Variants in LRRC4B observed in about 807,000 individuals in gnomAD.
LRRC4B encodes leucine-rich repeat-containing protein 4B.
A neutral mutation model predicts 7.3 loss-of-function variants in LRRC4B; 1 was observed. That is an observed-to-expected ratio of 0.14 (90% CI 0.05 to 0.65). The LOEUF is 0.65. LRRC4B is among the 30% of genes least tolerant of loss of function. The probability of loss-of-function intolerance (pLI) is 0.84; values close to 1 mark genes in which losing one functional copy is unlikely to be tolerated. For synonymous variants in LRRC4B, 500 were observed against 499.2 expected (o/e 1.00, Z -0.02); for missense variants, 730 against 1,041.6 (o/e 0.70, Z 4.12).
At chr19:50,529,163 A>T (rs774765298) in intron 2 of LRRC4B, among the ~76,000 whole-genome samples, 1 of 151,992 alleles carries the variant, frequency 6.6e-6, no homozygotes, top group Non-Finnish European at 1.5e-5. Flanking sequence ...ATTTCCCGGG[A>T]CGCTAAACAC....
At chr19:50,536,897 C>T (rs1364463685) in intron 2 of LRRC4B, among the ~76,000 whole-genome samples, 1 of 152,104 alleles carries the variant, frequency 6.6e-6, no homozygotes, top group Non-Finnish European at 1.5e-5. Context: ...GCATACTCAT[C>T]CTGATCTGAG....
At position 50,524,682 on chromosome 19, in the gene LRRC4B, C is replaced by G. The variant is rs1980723523; in HGVS notation, c.298-5267G>C. 2.6e-5 allele frequency among the ~76,000 whole-genome samples: 4 copies of G among 152,190 alleles called. No individual in the cohort carries two copies. In the South Asian group the frequency reaches 8.3e-4, roughly 31 times the overall value. On this transcript the variant is annotated intron_variant, in intron 2 of 2. Coordinates refer to ENST00000652263, the MANE Select transcript of LRRC4B (RefSeq NM_001080457.2). The stretch of plus-strand genomic sequence containing the variant: ...AGGTCCAAAATACTCTCATTTGAAC[C>G]TGTCATCAGATGCAAACTTGCGATT...
Position 50,548,396 on chromosome 19 carries a change from G to T in LRRC4B, c.297+146C>A. ...CCACCTCGGGAGCCCGGCTCCAGCT[G>T]ATAGGATGCAGACCCGCAGGCCACA... is the stretch of plus-strand genomic sequence containing the variant. On this transcript the variant is annotated intron_variant, in intron 2 of 2. Coordinates refer to ENST00000652263, the MANE Select transcript of LRRC4B (RefSeq NM_001080457.2). The surrounding 1 kb of genome is among the most constrained non-coding windows in gnomAD (Gnocchi z 6.8). The T allele has an allele frequency of 8.6e-7, 1 of 1,157,918 alleles. No individual in the cohort carries two copies. The highest frequency in any genetic ancestry group is 1.2e-6 in the Non-Finnish European group (1 of 827,250). 71.7% of individuals were successfully genotyped at this position (1,157,918 alleles called of 1,614,324 possible).
Position 50,548,808 on chromosome 19 carries a change from G to C in LRRC4B, c.31C>G (p.Pro11Ala). The change falls in exon 2 of 3, where the codon CCG (proline) becomes GCG (alanine). Residue 11 changes from proline (P) to alanine (A), a missense_variant. Pro to Ala is a conservative substitution (Grantham distance 27). Around this residue, in one of 6 missense-constraint regions of LRRC4B, gnomAD observed 143 missense variants for 158.4 expected, o/e 0.90. Coordinates refer to ENST00000652263, the MANE Select transcript of LRRC4B (RefSeq NM_001080457.2). The surrounding 1 kb of genome is among the most constrained non-coding windows in gnomAD (Gnocchi z 6.8). MARARGSPCPPLPPGRMSWPH... is the reference protein window; with the variant it reads MARARGSPCPALPPGRMSWPH... ...CAGGACATCCTACCGGGCGGCAGCG[G>C]GGGGCACGGGGAGCCGCGGGCACGC... 1 of 1,507,060 alleles carries C rather than the reference G, an allele frequency of 6.6e-7. No homozygotes were observed. Among genetic ancestry groups the C allele is most frequent in the Non-Finnish European group, 8.8e-7 (1 of 1,132,668 alleles). The allele number at this position is 1,507,060 out of a possible 1,614,324, so 93.4% of individuals were successfully genotyped here.
intron 1 of LRRC4B, among the ~76,000 whole-genome samples, chr19:50,558,196 TACATACACAC>T (rs1982341798): frequency 2.2e-5 from 2 of 92,462 alleles, no homozygotes; most frequent in African/African-American, 9.8e-5. Flanking sequence ...GTCAACTGTA[TACATACACAC>T]ACACACACAC....
At position 50,518,404 on chromosome 19, in the gene LRRC4B, T is replaced by C; in HGVS notation, c.1309A>G (p.Met437Val). The change falls in exon 3 of 3, where the codon ATG (methionine) becomes GTG (valine). Residue 437 changes from methionine to valine, a missense_variant. Physicochemically the swap from Met to Val is conservative, Grantham distance 21 (BLOSUM62 1). Transcript: ENST00000652263. ...TVQDTGQYTCMVTNSAGNTTA... is the reference protein window; with the variant it reads ...TVQDTGQYTCVVTNSAGNTTA... ...GTGTTGCCGGCTGAGTTCGTCACCA[T>C]GCACGTGTACTGGCCCGTGTCCTGC... 6.3e-7 allele frequency: 1 copy of C among 1,578,962 alleles called. No homozygotes were observed.
chr19:50,527,254 G>A lies in LRRC4B; in HGVS notation c.298-7839C>T, dbSNP rs772201860. Among the ~76,000 whole-genome samples the A allele has an allele frequency of 5.3e-5, 8 of 151,314 alleles. No individual in the cohort carries two copies. In the East Asian group the frequency reaches 7.7e-4, roughly 15 times the overall value. ...TCACTGTGTTAGCCAGGACGGTCTC[G>A]ATCTCCTGACCTCGTGATCTGCCCG... On this transcript the variant is annotated intron_variant, in intron 2 of 2. Transcript: ENST00000652263.
chr19:50,540,100 T>TA (rs1287330463), intron 2 of LRRC4B, among the ~76,000 whole-genome samples: 1 of 152,150 alleles, frequency 6.6e-6, no homozygotes. Flanking sequence ...AGCTCAGTAT[T>TA]ACGTTTTGAG....
At position 50,548,441 on chromosome 19, in the gene LRRC4B, G is replaced by C; in HGVS notation, c.297+101C>G. Reference sequence around the variant, plus strand: ...GCCACATCCACAGGTGCCGGAGACGGGGAAGCCCCGGTGTGGGGAGGCCCA... The same window carrying C: ...GCCACATCCACAGGTGCCGGAGACGCGGAAGCCCCGGTGTGGGGAGGCCCA... On this transcript the variant is annotated intron_variant, in intron 2 of 2. Transcript: ENST00000652263. This position sits in a 1 kb window ranked among gnomAD's most constrained non-coding sequence, Gnocchi z 6.8. The C allele has an allele frequency of 6.8e-7, 1 of 1,466,602 alleles. No homozygotes were observed. The highest frequency in any genetic ancestry group is 9.2e-7 in the Non-Finnish European group (1 of 1,091,698). The allele number at this position is 1,466,602 out of a possible 1,614,324, so 90.8% of individuals were successfully genotyped here.
intron 2 of LRRC4B, among the ~76,000 whole-genome samples, chr19:50,533,343 G>A (rs530440163): frequency 1.5e-4 from 23 of 151,622 alleles, no homozygotes; most frequent in African/African-American, 4.4e-4. Flanking sequence ...TCATTATTTA[G>A]TGGTTACCCT....
In LRRC4B at chr19:50,553,886, G is replaced by C. The variant is rs1312049290; in HGVS notation, c.-35-5013C>G. On this transcript the variant is annotated intron_variant, in intron 1 of 2. Transcript: ENST00000652263. The surrounding 1 kb of genome is among the most constrained non-coding windows in gnomAD (Gnocchi z 4.2). ...CCCCACTCTCCGTTCTGCACACCGA[G>C]CCAGGCCGCACTGCAATAGCTGCAC... Among the ~76,000 whole-genome samples the C allele has an allele frequency of 1.3e-5, 2 of 151,732 alleles. No individual in the cohort carries two copies. The highest frequency in any genetic ancestry group is 2.9e-5 in the Non-Finnish European group (2 of 68,004).
At position 50,537,449 on chromosome 19, in the gene LRRC4B, G is replaced by T. The variant is rs535337275; in HGVS notation, c.297+11093C>A. On this transcript the variant is annotated intron_variant, in intron 2 of 2. Transcript: ENST00000652263. The surrounding 1 kb of genome is among the most constrained non-coding windows in gnomAD (Gnocchi z 5.5). Reference sequence around the variant, plus strand: ...AATTGGTCTATTTTCTAGACGAGAAGGCAGGCTCAGAGAGGTGACTCAACG... The same window carrying T: ...AATTGGTCTATTTTCTAGACGAGAATGCAGGCTCAGAGAGGTGACTCAACG... 6.6e-6 allele frequency among the ~76,000 whole-genome samples: 1 copy of T among 152,344 alleles called. No individual in the cohort carries two copies. Among genetic ancestry groups the T allele is most frequent in the Admixed American group, 6.5e-5 (1 of 15,300 alleles).
chr19:50,542,341 T>C (rs1981587355), intron 2 of LRRC4B, among the ~76,000 whole-genome samples: 1 of 152,144 alleles, frequency 6.6e-6, no homozygotes, highest in African/African-American at 2.4e-5. Context: ...GGCCAGGGCA[T>C]GTGAGCTGCG....
chr19:50,561,363 C>A (rs1256073703), intron 1 of LRRC4B, among the ~76,000 whole-genome samples: 1 of 152,126 alleles, frequency 6.6e-6, no homozygotes, highest in African/African-American at 2.4e-5. Context: ...GGAGTCCTTT[C>A]CCTTCTGGTG....
Position 50,555,147 on chromosome 19 carries a change from C to T in LRRC4B, c.-35-6274G>A, listed in dbSNP as rs1982227927. Among the ~76,000 whole-genome samples, 1 of 152,214 alleles carries T rather than the reference C, an allele frequency of 6.6e-6. No individual in the cohort carries two copies. On this transcript the variant is annotated intron_variant, in intron 1 of 2. Coordinates refer to ENST00000652263, the MANE Select transcript of LRRC4B (RefSeq NM_001080457.2). The surrounding 1 kb of genome is among the most constrained non-coding windows in gnomAD (Gnocchi z 5.2). ...GGGAAATACTGATTACATGTGGGTGCCATGCTATCCACTCCTCAAGCTGCT... is the reference window on the plus strand; with the variant it reads ...GGGAAATACTGATTACATGTGGGTGTCATGCTATCCACTCCTCAAGCTGCT...
rs1410466682 is a variant in LRRC4B, at chr19:50,519,160, G to A, written c.553C>T (p.Arg185Trp). The A allele has an allele frequency of 1.9e-6, 3 of 1,613,476 alleles. No individual in the cohort carries two copies. The highest frequency in any genetic ancestry group is 2.2e-5 in the South Asian group (2 of 91,064). The change falls in exon 3 of 3, where the codon CGG becomes TGG. Residue 185 changes from arginine (R) to tryptophan (W), a missense_variant. By Grantham distance (101) the Arg-to-Trp change is moderately radical (BLOSUM62 -3). Around this residue, in one of 6 missense-constraint regions of LRRC4B, gnomAD observed 226 missense variants for 448.0 expected, o/e 0.50. Coordinates refer to ENST00000652263, the MANE Select transcript of LRRC4B (RefSeq NM_001080457.2). This position sits in a 1 kb window ranked among gnomAD's most constrained non-coding sequence, Gnocchi z 8.1. ...SYAFNRVPSL[R>W]RLDLGELKRL... ...TTGAGCTCGCCCAGGTCCAGGCGCC[G>A]CAGCGAGGGCACGCGGTTGAAGGCG...
At position 50,517,711 on chromosome 19, in the gene LRRC4B, C is replaced by T; in HGVS notation, c.2002G>A (p.Ala668Thr). 1 of 1,553,262 alleles carries T rather than the reference C, an allele frequency of 6.4e-7. No homozygotes were observed. Among genetic ancestry groups the T allele is most frequent in the Non-Finnish European group, 8.7e-7 (1 of 1,151,568 alleles). The stretch of plus-strand genomic sequence containing the variant: ...CTGCTGTAGTGCGCCTTGAAGGCGG[C>T]AGCCACGTAGTGGTGGTGGTTGAGG... ...DHLNHHHYVA[A>T]AFKAHYSSNP... The change falls in exon 3 of 3, where the codon GCC (alanine) becomes ACC (threonine). Residue 668 changes from alanine to threonine, a missense_variant. Physicochemically the swap from Ala to Thr is moderately conservative, Grantham distance 58. Around this residue, in one of 6 missense-constraint regions of LRRC4B, gnomAD observed 160 missense variants for 163.9 expected, o/e 0.98. Transcript: ENST00000652263. The surrounding 1 kb of genome is among the most constrained non-coding windows in gnomAD (Gnocchi z 6.6).
At chr19:50,526,073 C>T (rs1015201119) in intron 2 of LRRC4B, among the ~76,000 whole-genome samples, 1 of 152,132 alleles carries the variant, frequency 6.6e-6, no homozygotes, top group African/African-American at 2.4e-5. Context: ...CCTGTCCCTC[C>T]CCTGGGCCCT....
At chr19:50,535,152 C>G (rs11880098) in intron 2 of LRRC4B, among the ~76,000 whole-genome samples, 26,722 of 151,126 alleles carry the variant, frequency 0.18, 2,451 homozygotes, top group African/African-American at 0.2. Flanking sequence ...ACAGGCGTGA[C>G]CCACCACGCC....
Sources: gnomAD v4.1 joint callset for allele counts (sites outside exome capture counted in the v4.1 genomes callset) on GRCh38, gnomAD v4.1.1 for gene constraint, gnomAD v4.1.1 regional missense constraint, Gnocchi (gnomAD v3.1) non-coding constraint, MANE v1.5 for transcripts, NCBI Gene and HGNC (gene_info 2026-07-23, HGNC 2026-07-21) for gene names.